The following DSCAM variants were observed in gnomAD, a reference collection of about 807,000 sequenced individuals.
DSCAM encodes the protein DS cell adhesion molecule, also known as cell adhesion molecule DSCAM.
Under a neutral mutation model 217.7 loss-of-function variants are expected in DSCAM, and 47 were observed. The observed-to-expected ratio is 0.22, with a 90% confidence interval of 0.17 to 0.28. DSCAM has a LOEUF of 0.28. DSCAM is among the 10% of genes least tolerant of loss of function. DSCAM has a pLI of 1.00. For synonymous variants in DSCAM, 1,056 were observed against 1,015.3 expected (o/e 1.04, Z -0.76); for missense variants, 2,080 against 2,618.3 (o/e 0.79, Z 4.49).
intron 1 of DSCAM, among the ~76,000 whole-genome samples, chr21:40,838,390 C>T (rs1240418825): frequency 6.6e-6 from 1 of 152,234 alleles, no homozygotes; most frequent in African/African-American, 2.4e-5. Flanking sequence ...GTGACCCATT[C>T]ACGCTGGTCC....
At chr21:40,568,798 G>C (rs945558344) in intron 3 of DSCAM, among the ~76,000 whole-genome samples, 6 of 152,212 alleles carry the variant, frequency 3.9e-5, no homozygotes, top group Admixed American at 1.3e-4. Context: ...AATGATGTGA[G>C]AGAGGCCCCA....
rs373871043 is a variant in DSCAM at position 40,316,735 on chromosome 21, G to A, written c.1784-4376C>T. On this transcript the variant is annotated intron_variant, in intron 8 of 32. Coordinates refer to ENST00000400454, the MANE Select transcript of DSCAM (RefSeq NM_001389.5). ...GCTTGTGTATTTCACTCTACATAAT[G>A]GCGGGGGTCCTTTTCCTAGGCAGCT... Among the ~76,000 whole-genome samples, 35 of 152,230 alleles carry A rather than the reference G, an allele frequency of 2.3e-4. No homozygotes were observed. In the East Asian group the frequency reaches 6.8e-3, roughly 29 times the overall value.
At chr21:40,706,925 TGTCAAGAACGCC>T (rs2090724183) in intron 2 of DSCAM, among the ~76,000 whole-genome samples, 1 of 152,216 alleles carries the variant, frequency 6.6e-6, no homozygotes, top group South Asian at 2.1e-4. Flanking sequence ...GGGTTTCAGA[TGTCAAGAACGCC>T]AGCACATAAA....
intron 28 of DSCAM, among the ~76,000 whole-genome samples, chr21:40,060,085 G>A (rs1026596012): frequency 1.3e-5 from 2 of 152,168 alleles, no homozygotes; most frequent in Non-Finnish European, 2.9e-5. Context: ...ACCTATTGGA[G>A]GAGCTTGAAA....
intron 3 of DSCAM, among the ~76,000 whole-genome samples, chr21:40,501,271 C>A (rs184134234): frequency 1.6e-4 from 24 of 152,204 alleles, no homozygotes; most frequent in Non-Finnish European, 7.4e-5. Flanking sequence ...GACAACCTCA[C>A]CTCTTTGTAT....
intron 3 of DSCAM, among the ~76,000 whole-genome samples, chr21:40,492,037 T>C (rs1337055958): frequency 6.6e-6 from 1 of 152,244 alleles, no homozygotes; most frequent in African/African-American, 2.4e-5. Context: ...TTGTCTGTTA[T>C]GTTCACTCAA....
chr21:40,409,126 T>C (rs529524827), intron 3 of DSCAM, among the ~76,000 whole-genome samples: 4 of 152,338 alleles, frequency 2.6e-5, no homozygotes, highest in African/African-American at 4.8e-5. Flanking sequence ...CCCAAATACA[T>C]AGTCATAAAA....
intron 8 of DSCAM, among the ~76,000 whole-genome samples, chr21:40,335,680 A>T (rs913314033): frequency 1.3e-5 from 2 of 152,230 alleles, no homozygotes; most frequent in Admixed American, 1.3e-4. Context: ...TTGATGCCTC[A>T]TTTGTAATGG....
At chr21:40,160,192 T>A (rs1296131297) in intron 16 of DSCAM, among the ~76,000 whole-genome samples, 11 of 152,174 alleles carry the variant, frequency 7.2e-5, no homozygotes, top group Admixed American at 3.9e-4. Flanking sequence ...GGTTATGACA[T>A]AATGAATAAA....
intron 3 of DSCAM, among the ~76,000 whole-genome samples, chr21:40,686,670 A>G (rs555747001): frequency 1.3e-5 from 2 of 152,324 alleles, no homozygotes; most frequent in South Asian, 2.1e-4. Flanking sequence ...GAATGGGTGC[A>G]GGTCTCCTCC....
At chr21:40,593,170 AT>A (rs929669723) in intron 3 of DSCAM, among the ~76,000 whole-genome samples, 2 of 152,048 alleles carry the variant, frequency 1.3e-5, no homozygotes, top group Non-Finnish European at 2.9e-5. Context: ...ACAAAAAAGG[AT>A]TTTTTAATTT....
At position 40,630,207 on chromosome 21, in the gene DSCAM, G is replaced by A. The variant is rs557920313; in HGVS notation, c.508+62603C>T. Among the ~76,000 whole-genome samples, 6 of 152,300 alleles carry A rather than the reference G, an allele frequency of 3.9e-5. No individual in the cohort carries two copies. In the South Asian group the frequency reaches 1.2e-3, roughly 32 times the overall value. On this transcript the variant is annotated intron_variant, in intron 3 of 32. Transcript: ENST00000400454. ...ACGGACACATTTGACAGAAGCAGAG[G>A]CAGAGAGTTCATACAGAGGTGAGGT...
chr21:40,193,377 T>C (rs1336919854), intron 11 of DSCAM, among the ~76,000 whole-genome samples: 2 of 152,126 alleles, frequency 1.3e-5, no homozygotes, highest in Non-Finnish European at 2.9e-5. Flanking sequence ...TAACTCAAGA[T>C]AATTAGAGAT....
chr21:40,464,165 C>T (rs928228748), intron 3 of DSCAM, among the ~76,000 whole-genome samples: 1 of 152,220 alleles, frequency 6.6e-6, no homozygotes, highest in Non-Finnish European at 1.5e-5. Context: ...AGCCTGACTG[C>T]TTCCTTCACA....
chr21:40,640,560 G>A (rs911366638), intron 3 of DSCAM, among the ~76,000 whole-genome samples: 17 of 152,258 alleles, frequency 1.1e-4, no homozygotes, highest in Non-Finnish European at 1.9e-4. Flanking sequence ...TAAGGAAGGC[G>A]GTTTAGCTAA....
chr21:40,262,196 G>A (rs1435920790), intron 11 of DSCAM, among the ~76,000 whole-genome samples: 2 of 152,102 alleles, frequency 1.3e-5, no homozygotes, highest in South Asian at 2.1e-4. Flanking sequence ...TTTCAGCCTC[G>A]ATAACTGTGA....
chr21:40,368,948 T>C (rs2074863738), intron 4 of DSCAM, 151 bp downstream of exon 4: 3 of 859,444 alleles, frequency 3.5e-6, no homozygotes, highest in Non-Finnish European at 4.9e-6. Flanking sequence ...CTCATATTCA[T>C]TTAAAAGAGT....
At chr21:40,286,102 G>A (rs1289957257) in intron 10 of DSCAM, among the ~76,000 whole-genome samples, 1 of 152,140 alleles carries the variant, frequency 6.6e-6, no homozygotes, top group African/African-American at 2.4e-5. Flanking sequence ...GCAGGGGTGG[G>A]ACAGTGGGAG....
At chr21:40,049,706 T>C (rs1038389944) in intron 30 of DSCAM, among the ~76,000 whole-genome samples, 1 of 152,202 alleles carries the variant, frequency 6.6e-6, no homozygotes, top group Admixed American at 6.5e-5. Context: ...CCAGCCCTGC[T>C]TCCAACTTTA....
Sources: gnomAD v4.1 joint callset for allele counts (sites outside exome capture counted in the v4.1 genomes callset) on GRCh38, gnomAD v4.1.1 for gene constraint, MANE v1.5 for transcripts, NCBI Gene and HGNC (gene_info 2026-07-23, HGNC 2026-07-21) for gene names.